The following EBF3 variants were observed in gnomAD, a reference collection of about 807,000 sequenced individuals.
The protein encoded by EBF3 is transcription factor COE3.
In EBF3, 18 loss-of-function variants were observed where a neutral mutation model predicts 77.1. That is an observed-to-expected ratio of 0.23 (90% CI 0.16 to 0.35). EBF3 has a LOEUF of 0.35. Among genes scored for constraint, EBF3 ranks in the 10% least tolerant of loss-of-function variants. EBF3 has a pLI of 1.00. For synonymous variants in EBF3, 350 were observed against 343.5 expected (o/e 1.02, Z -0.21); for missense variants, 558 against 860.0 (o/e 0.65, Z 4.39).
At chr10:129,942,120 C>T (rs933856560) in intron 6 of EBF3, among the ~76,000 whole-genome samples, 6 of 152,236 alleles carry the variant, frequency 3.9e-5, no homozygotes, top group Non-Finnish European at 8.8e-5. Flanking sequence ...CCTCTCTCAG[C>T]ATGGACGGCT....
chr10:129,880,159 G>C (rs191637546), intron 6 of EBF3, among the ~76,000 whole-genome samples: 8 of 152,282 alleles, frequency 5.3e-5, no homozygotes, highest in Non-Finnish European at 2.9e-5. Flanking sequence ...AGCTGGGTTT[G>C]GCATTCTTAG....
chr10:129,908,419 T>C (rs1224414367), intron 6 of EBF3, among the ~76,000 whole-genome samples: 3 of 152,236 alleles, frequency 2.0e-5, no homozygotes, highest in Non-Finnish European at 4.4e-5. Flanking sequence ...GCTACAAGCC[T>C]GGACACCATT....
chr10:129,935,584 C>T lies in EBF3; in HGVS notation c.554+21674G>A, dbSNP rs1857303940. ...GGCATGGGGTTAGATACATGCACCC[C>T]ACAAGGCTGGCGGGCAGCAGGCGGT... On this transcript the variant is annotated intron_variant, in intron 6 of 16. Transcript: ENST00000440978. This position sits in a 1 kb window ranked among gnomAD's most constrained non-coding sequence, Gnocchi z 4.2. Among the ~76,000 whole-genome samples, 1 of 152,210 alleles carries T rather than the reference C, an allele frequency of 6.6e-6. No individual in the cohort carries two copies. Among genetic ancestry groups the T allele is most frequent in the Admixed American group, 6.5e-5 (1 of 15,292 alleles).
chr10:129,883,381 G>A (rs902766574), intron 6 of EBF3, among the ~76,000 whole-genome samples: 8 of 152,162 alleles, frequency 5.3e-5, no homozygotes, highest in Admixed American at 2.6e-4. Context: ...CCCCTTTTGC[G>A]GCCCTCAATG....
chr10:129,929,189 T>C (rs947225500), intron 6 of EBF3, among the ~76,000 whole-genome samples: 1 of 151,996 alleles, frequency 6.6e-6, no homozygotes, highest in Non-Finnish European at 1.5e-5. Context: ...TCTTCTTTAT[T>C]TTTTATCTTT....
chr10:129,954,412 T>C (rs1279769156), intron 6 of EBF3, among the ~76,000 whole-genome samples: 7 of 142,422 alleles, frequency 4.9e-5, no homozygotes, highest in Admixed American at 7.0e-5. Context: ...CAGCCTCACT[T>C]CCCCCCCCCC....
chr10:129,845,077 A>G (rs758645957), intron 11 of EBF3, among the ~76,000 whole-genome samples: 3 of 152,208 alleles, frequency 2.0e-5, no homozygotes, highest in Non-Finnish European at 4.4e-5. Flanking sequence ...AAAATTACGT[A>G]TGCTCTTATC....
chr10:129,850,205 G>A (rs976754886), intron 10 of EBF3, among the ~76,000 whole-genome samples: 55 of 152,212 alleles, frequency 3.6e-4, no homozygotes, highest in African/African-American at 1.2e-3. Context: ...TTAATGAATC[G>A]GCCTGATGAA....
chr10:129,865,464 C>T (rs1224628164), intron 10 of EBF3, among the ~76,000 whole-genome samples: 1 of 152,140 alleles, frequency 6.6e-6, no homozygotes, highest in East Asian at 1.9e-4. Flanking sequence ...TTTGCTATGC[C>T]CACCTCCCCT....
At chr10:129,869,900 A>G (rs570859856) in intron 8 of EBF3, among the ~76,000 whole-genome samples, 1 of 152,254 alleles carries the variant, frequency 6.6e-6, no homozygotes, top group East Asian at 1.9e-4. Context: ...TTGCATGGAG[A>G]GCATTTGAAA....
chr10:129,888,195 G>T (rs1398190964), intron 6 of EBF3, among the ~76,000 whole-genome samples: 1 of 152,210 alleles, frequency 6.6e-6, no homozygotes, highest in Non-Finnish European at 1.5e-5. Flanking sequence ...TCCTGTCGGG[G>T]AGCAGCACCC....
chr10:129,937,507 C>A (rs892932914), intron 6 of EBF3, among the ~76,000 whole-genome samples: 1 of 152,194 alleles, frequency 6.6e-6, no homozygotes, highest in Non-Finnish European at 1.5e-5. Context: ...CCCACACAAC[C>A]TGTGGGGGTC....
intron 6 of EBF3, among the ~76,000 whole-genome samples, chr10:129,909,595 T>C (rs2134283980): frequency 1.3e-5 from 2 of 152,308 alleles, no homozygotes; most frequent in South Asian, 4.1e-4. Flanking sequence ...TGAGAGCAAC[T>C]GTGACAAACT....
chr10:129,921,150 G>A (rs769217150), intron 6 of EBF3, among the ~76,000 whole-genome samples: 3 of 152,188 alleles, frequency 2.0e-5, no homozygotes, highest in Non-Finnish European at 2.9e-5. Context: ...TGGGAATCAC[G>A]TTCTGGAAAA....
chr10:129,927,466 G>A (rs1170437990), intron 6 of EBF3, among the ~76,000 whole-genome samples: 2 of 152,122 alleles, frequency 1.3e-5, no homozygotes, highest in Non-Finnish European at 2.9e-5. Flanking sequence ...TGGGGCCCAG[G>A]ACACGTGGTT....
rs1334259966 is a variant in EBF3 at position 129,837,825 on chromosome 10, T to G, written c.*118A>C. 1.4e-6 allele frequency: 2 copies of G among 1,381,094 alleles called. No homozygotes were observed. Among genetic ancestry groups the G allele is most frequent in the Non-Finnish European group, 2.0e-6 (2 of 990,302 alleles). The allele number at this position is 1,381,094 out of a possible 1,614,324, so 85.6% of individuals were successfully genotyped here. A position where few individuals can be genotyped will look rare whatever the true frequency, so the allele number is the denominator to read the frequency against. On this transcript the variant is annotated 3_prime_UTR_variant, in exon 17 of 17. Coordinates refer to ENST00000440978, the MANE Select transcript of EBF3 (RefSeq NM_001375380.1). ...TTGTAGCATTTCAATTGCTGCTGAT[T>G]TTTTTGAAGATACTGTTTCCATCAG...
chr10:129,908,612 C>T (rs910482697), intron 6 of EBF3, among the ~76,000 whole-genome samples: 3 of 152,186 alleles, frequency 2.0e-5, no homozygotes, highest in Admixed American at 6.5e-5. Context: ...AAGCCAGTGT[C>T]GGCGCAGCCA....
intron 5 of EBF3, among the ~76,000 whole-genome samples, 174 bp downstream of exon 5, chr10:129,958,760 G>A (rs1285237614): frequency 6.6e-6 from 1 of 152,166 alleles, no homozygotes; most frequent in Non-Finnish European, 1.5e-5. Flanking sequence ...CAGCGCTGGG[G>A]GGAAGGAGCG....
rs568970597 is a variant in EBF3 at position 129,839,133 on chromosome 10, C to T, written c.1822G>A (p.Gly608Ser). 4.6e-6 allele frequency: 6 copies of T among 1,304,330 alleles called. No homozygotes were observed. Among genetic ancestry groups the T allele is most frequent in the African/African-American group, 1.5e-5 (1 of 65,866 alleles). 80.8% of individuals were successfully genotyped at this position (1,304,330 alleles called of 1,614,324 possible). A position where few individuals can be genotyped will look rare whatever the true frequency, so the allele number is the denominator to read the frequency against. ...AGTTCATCAAAGTGAAATATGCCACCGACTTCACAAAAGGGCCAGTTTGTC... is the reference window on the plus strand; with the variant it reads ...AGTTCATCAAAGTGAAATATGCCACTGACTTCACAAAAGGGCCAGTTTGTC... Reference protein sequence around the residue: ...EKTNWPFCEVGGIFHFDELML... With the variant: ...EKTNWPFCEVSGIFHFDELML... Residue 608 changes from glycine to serine, a missense_variant, in exon 16 of 17, where the codon GGT becomes AGT. This residue lies in a region of EBF3 where 284 missense variants were observed against 368.3 expected (regional missense o/e 0.77). Coordinates refer to ENST00000440978, the MANE Select transcript of EBF3 (RefSeq NM_001375380.1).
Sources: gnomAD v4.1 joint callset for allele counts (sites outside exome capture counted in the v4.1 genomes callset) on GRCh38, gnomAD v4.1.1 for gene constraint, gnomAD v4.1.1 regional missense constraint, Gnocchi (gnomAD v3.1) non-coding constraint, MANE v1.5 for transcripts, NCBI Gene and HGNC (gene_info 2026-07-23, HGNC 2026-07-21) for gene names.